TTC28: variants seen among roughly 807,000 people sequenced by gnomAD.
The protein encoded by TTC28 is tetratricopeptide repeat protein 28.
A neutral mutation model predicts 198.0 loss-of-function variants in TTC28; 61 were observed. That is an observed-to-expected ratio of 0.31 (90% confidence interval 0.25 to 0.38). The LOEUF (loss-of-function observed/expected upper bound fraction) is 0.38, where lower values mean the gene tolerates loss of function less well. TTC28 is among the 10% of genes least tolerant of loss of function. The pLI is 1.00. For missense variants in TTC28, 2,678 were observed against 3,164.0 expected (o/e 0.85, Z 3.69); for synonymous variants, 1,171 against 1,297.8 (o/e 0.90, Z 2.10).
At chr22:28,547,215 AGTGTGTGT>A (rs113464807) in intron 2 of TTC28, among the ~76,000 whole-genome samples, 1 of 149,596 alleles carries the variant, frequency 6.7e-6, no homozygotes, top group African/African-American at 2.5e-5. Flanking sequence ...TGTGTGTGTG[AGTGTGTGT>A]GTGTGTGTGT....
At chr22:28,528,687 G>C (rs544635956) in intron 2 of TTC28, among the ~76,000 whole-genome samples, 1 of 138,688 alleles carries the variant, frequency 7.2e-6, no homozygotes, top group Admixed American at 7.9e-5. Context: ...AGTGAACTGA[G>C]ATCACACCAC....
At chr22:28,417,921 T>C (rs2047191793) in intron 2 of TTC28, among the ~76,000 whole-genome samples, 2 of 152,352 alleles carry the variant, frequency 1.3e-5, no homozygotes, top group South Asian at 4.1e-4. Flanking sequence ...ACACTACTCT[T>C]TGGTTTCTCT....
Position 27,983,521 on chromosome 22 carries a change from C to A in TTC28, c.6146G>T (p.Gly2049Val). 1.3e-6 allele frequency: 2 copies of A among 1,549,932 alleles called. No homozygotes were observed. Among genetic ancestry groups the A allele is most frequent in the Non-Finnish European group, 1.7e-6 (2 of 1,146,574 alleles). Residue 2049 changes from glycine to valine, a missense_variant, in exon 23 of 23, where the codon GGC (glycine) becomes GTC (valine). By Grantham distance (109) the Gly-to-Val change is moderately radical (BLOSUM62 -3). This residue lies in a region of TTC28 where 622 missense variants were observed against 656.0 expected (regional missense o/e 0.95). Transcript: ENST00000397906. The stretch of plus-strand genomic sequence containing the variant: ...TTCATATTCTTCTTCATCTTTGTTG[C>A]CTGCAGGGCGGGTCTGGGGAGGCAG... Reference protein sequence around the residue: ...SQLPPQTRPAGNKDEEEYEGF... With the variant: ...SQLPPQTRPAVNKDEEEYEGF...
intron 12 of TTC28, among the ~76,000 whole-genome samples, chr22:28,061,156 A>T (rs1940520510): frequency 6.6e-6 from 1 of 152,134 alleles, no homozygotes; most frequent in Non-Finnish European, 1.5e-5. Flanking sequence ...ATTTTCTCCC[A>T]TTCTGTAGGT....
In TTC28 at chr22:28,233,409, T is replaced by C. The variant is rs74762298; in HGVS notation, c.933+62789A>G. ...AGATATCTCTATACCTCACAAAATG[T>C]ACACATTTTTATTAATGTATTATTT... is the stretch of plus-strand genomic sequence containing the variant. On this transcript the variant is annotated intron_variant, in intron 5 of 22. Transcript: ENST00000397906. 8.6e-3 allele frequency among the ~76,000 whole-genome samples: 1,314 copies of C among 152,316 alleles called. 17 individuals are homozygous for C. Among genetic ancestry groups the C allele is most frequent in the African/African-American group, 0.03 (1,242 of 41,574 alleles).
chr22:28,471,974 T>C (rs1178881030), intron 2 of TTC28, among the ~76,000 whole-genome samples: 4 of 152,172 alleles, frequency 2.6e-5, no homozygotes. Context: ...TCAAAGCATC[T>C]TTGAATCTTC....
At chr22:28,155,366 G>A (rs1445885055) in intron 6 of TTC28, among the ~76,000 whole-genome samples, 9 of 152,094 alleles carry the variant, frequency 5.9e-5, no homozygotes, top group Admixed American at 5.9e-4. Flanking sequence ...TTTGTGTAAG[G>A]AGTTACACTC....
At chr22:28,060,375 C>T (rs1940474165) in intron 12 of TTC28, among the ~76,000 whole-genome samples, 1 of 152,158 alleles carries the variant, frequency 6.6e-6, no homozygotes. Context: ...GTGACAGTTG[C>T]TCAGAACGAT....
At chr22:28,147,747 C>T (rs1292989525) in intron 6 of TTC28, among the ~76,000 whole-genome samples, 1 of 152,216 alleles carries the variant, frequency 6.6e-6, no homozygotes, top group African/African-American at 2.4e-5. Flanking sequence ...TAAGAAGCTA[C>T]ACCAAGTATA....
intron 6 of TTC28, among the ~76,000 whole-genome samples, chr22:28,159,163 A>G (rs981491184): frequency 6.6e-6 from 1 of 152,188 alleles, no homozygotes; most frequent in Admixed American, 6.5e-5. Flanking sequence ...ATAAGATCTG[A>G]TCACCACAGA....
intron 7 of TTC28, 25 bp from the exon 8 acceptor site, chr22:28,105,827 AATG>A: frequency 6.6e-7 from 1 of 1,526,048 alleles, no homozygotes; most frequent in Non-Finnish European, 8.8e-7. Context: ...ACAGAAAAGC[AATG>A]ATATTATTTC....
chr22:28,635,904 CTTAT>C (rs760295074), intron 1 of TTC28, among the ~76,000 whole-genome samples: 12 of 151,966 alleles, frequency 7.9e-5, no homozygotes, highest in African/African-American at 2.4e-4. Context: ...GTCTCCAGAA[CTTAT>C]TTATCTTATA....
chr22:28,252,821 A>G (rs1233480762), intron 5 of TTC28, among the ~76,000 whole-genome samples: 2 of 152,204 alleles, frequency 1.3e-5, no homozygotes, highest in East Asian at 3.8e-4. Context: ...CTGGTTTTAG[A>G]AACATGTTGA....
intron 2 of TTC28, among the ~76,000 whole-genome samples, chr22:28,374,848 A>AT (rs554465781): frequency 0.028 from 4,135 of 149,362 alleles, 80 homozygotes; most frequent in South Asian, 0.04. Flanking sequence ...TGCTCAGCTA[A>AT]TTTTTTTTTT....
chr22:28,387,902 G>A (rs1250439713), intron 2 of TTC28, among the ~76,000 whole-genome samples: 2 of 152,214 alleles, frequency 1.3e-5, no homozygotes, highest in Non-Finnish European at 2.9e-5. Context: ...TGGTGTTTTA[G>A]ACACGAAGTC....
chr22:28,176,680 T>C lies in TTC28; in HGVS notation c.934-13081A>G, dbSNP rs1428021396. ...TATCCAAACATCAAATTGTACACCATAAATATGTACAATTACAAAGTATCC... is the reference window on the plus strand; with the variant it reads ...TATCCAAACATCAAATTGTACACCACAAATATGTACAATTACAAAGTATCC... On this transcript the variant is annotated intron_variant, in intron 5 of 22. Coordinates refer to ENST00000397906, the MANE Select transcript of TTC28 (RefSeq NM_001145418.2). Among the ~76,000 whole-genome samples, 10 of 152,302 alleles carry C rather than the reference T, an allele frequency of 6.6e-5. No individual in the cohort carries two copies. In the East Asian group the frequency reaches 1.9e-3, roughly 29 times the overall value.
chr22:28,297,322 C>T (rs1254689104), intron 4 of TTC28, among the ~76,000 whole-genome samples: 1 of 151,858 alleles, frequency 6.6e-6, no homozygotes, highest in Non-Finnish European at 1.5e-5. Flanking sequence ...GGCAATCCTC[C>T]CACCTTGGCC....
chr22:28,045,360 A>G (rs1211065111), intron 12 of TTC28, among the ~76,000 whole-genome samples: 1 of 152,208 alleles, frequency 6.6e-6, no homozygotes, highest in Non-Finnish European at 1.5e-5. Context: ...ATTCTGGAGC[A>G]TTTTGGATTT....
rs1003569954 is a variant in TTC28, at chr22:27,981,512, A to T, written c.*709T>A. ...TGCATAGTTCTAAAATGCCTGGATA[A>T]GAGTTACATAATTTTTTTTTTAAGA... On this transcript the variant is annotated 3_prime_UTR_variant, in exon 23 of 23. Coordinates refer to ENST00000397906, the MANE Select transcript of TTC28 (RefSeq NM_001145418.2). 6.6e-6 allele frequency: 1 copy of T among 152,024 alleles called. No homozygotes were observed. The allele number at this position is 152,024 out of a possible 1,614,324, so 9.4% of individuals were successfully genotyped here.
Sources: allele counts gnomAD v4.1 joint callset (sites outside exome capture counted in the v4.1 genomes callset), GRCh38; gene constraint gnomAD v4.1.1; regional missense constraint gnomAD v4.1.1; transcripts MANE v1.5; gene names NCBI Gene and HGNC (gene_info 2026-07-23, HGNC 2026-07-21).